SLC26A4: variants seen among roughly 807,000 people sequenced by gnomAD.
The protein encoded by SLC26A4 is pendrin.
SLC26A4 carries 93 observed loss-of-function variants against 90.4 expected under a neutral mutation model. The observed-to-expected ratio is 1.03, with a 90% CI of 0.87 to 1.22. The LOEUF (loss-of-function observed/expected upper bound fraction) is 1.22, where lower values mean the gene tolerates loss of function less well. Among genes scored for constraint, SLC26A4 ranks in the 50% most tolerant of loss-of-function variants. The pLI is 0.00. For synonymous variants in SLC26A4, 393 were observed against 354.6 expected, an observed-to-expected ratio of 1.11 and a Z score of -1.22; for missense variants, 1,127 against 946.2, an observed-to-expected ratio of 1.19 and a Z score of -2.51.
At chr7:107,693,871 G>C (rs564525485) in intron 10 of SLC26A4, among the ~76,000 whole-genome samples, 1 of 152,308 alleles carries the variant, frequency 6.6e-6, no homozygotes, top group South Asian at 2.1e-4. Flanking sequence ...ATTTGCAATA[G>C]GATGAGTAAA....
chr7:107,694,218 A>G (rs879068436), intron 10 of SLC26A4, among the ~76,000 whole-genome samples, 185 bp from the exon 11 acceptor site: 1 of 152,120 alleles, frequency 6.6e-6, no homozygotes, highest in African/African-American at 2.4e-5. Context: ...TATAGATGCC[A>G]TTTTTGTTCA....
intron 3 of SLC26A4, among the ~76,000 whole-genome samples, chr7:107,666,579 A>C (rs758650555): frequency 3.3e-5 from 5 of 152,174 alleles, no homozygotes; most frequent in Non-Finnish European, 7.3e-5. Context: ...GAGAAGGTGA[A>C]ATTTAGTAAA....
At chr7:107,665,284 C>A (rs979952437) in intron 3 of SLC26A4, among the ~76,000 whole-genome samples, 1 of 152,150 alleles carries the variant, frequency 6.6e-6, no homozygotes, top group African/African-American at 2.4e-5. Context: ...TTGCTCAGAT[C>A]AGGCCAGGTA....
chr7:107,666,458 G>A (rs984311172), intron 3 of SLC26A4, among the ~76,000 whole-genome samples: 2 of 152,168 alleles, frequency 1.3e-5, no homozygotes, highest in African/African-American at 2.4e-5. Context: ...CTAGGCTCAA[G>A]TTATCTGCCT....
At chr7:107,667,342 A>G (rs1350117094) in intron 3 of SLC26A4, among the ~76,000 whole-genome samples, 1 of 151,378 alleles carries the variant, frequency 6.6e-6, no homozygotes, top group Non-Finnish European at 1.5e-5. Context: ...GAGCCAGAGT[A>G]CTTAGAAGTT....
At chr7:107,704,243 T>A (rs1346958689) in intron 17 of SLC26A4, 88 bp from the exon 18 acceptor site, 4 of 701,760 alleles carry the variant, frequency 5.7e-6, no homozygotes, top group Non-Finnish European at 7.9e-6. Flanking sequence ...AAAGTAATAA[T>A]GTTTCTCCTG....
At chr7:107,686,492 T>G (rs925783177) in intron 8 of SLC26A4, among the ~76,000 whole-genome samples, 2 of 129,058 alleles carry the variant, frequency 1.5e-5, no homozygotes, top group African/African-American at 5.8e-5. Flanking sequence ...TTCTTTTCCT[T>G]TCTTTCCTTT....
intron 20 of SLC26A4, among the ~76,000 whole-genome samples, chr7:107,714,205 C>T (rs544876785): frequency 2.8e-4 from 42 of 152,260 alleles, no homozygotes; most frequent in Admixed American, 5.2e-4. Flanking sequence ...GGATTACAGG[C>T]ATGAGCCACC....
At chr7:107,710,586 T>A (rs1174756988) in intron 19 of SLC26A4, among the ~76,000 whole-genome samples, 1 of 152,198 alleles carries the variant, frequency 6.6e-6, no homozygotes, top group Admixed American at 6.5e-5. Context: ...GAATTATAAA[T>A]GTCTTTAAAC....
chr7:107,672,761 C>T (rs1790909545), intron 4 of SLC26A4, among the ~76,000 whole-genome samples: 1 of 152,138 alleles, frequency 6.6e-6, no homozygotes, highest in Admixed American at 6.5e-5. Context: ...CTTACCAAAA[C>T]AATTTAGAAG....
At chr7:107,676,484 A>G (rs527275697) in intron 6 of SLC26A4, among the ~76,000 whole-genome samples, 2 of 152,362 alleles carry the variant, frequency 1.3e-5, no homozygotes, top group Non-Finnish European at 2.9e-5. Flanking sequence ...ATGCAAAAGC[A>G]GGATGTAGAT....
chr7:107,663,346 T>C lies in SLC26A4; in HGVS notation c.215T>C (p.Leu72Ser), dbSNP rs1790618216. The change falls in exon 3 of 21, where the codon TTG becomes TCG. Residue 72 changes from leucine (L) to serine (S), a missense_variant. Coordinates refer to ENST00000644269, the MANE Select transcript of SLC26A4 (RefSeq NM_000441.2). ...GTGCTAAAGACTCTTGTGCCCATCT[T>C]GGAGTGGCTCCCCAAATACCGAGTC... ...FGVLKTLVPI[L>S]EWLPKYRVKE... 1.5e-5 allele frequency: 24 copies of C among 1,614,174 alleles called. No individual in the cohort carries two copies. The highest frequency in any genetic ancestry group is 2.0e-5 in the Non-Finnish European group (24 of 1,180,014).
In SLC26A4 at chr7:107,701,919, G is replaced by A. The variant is rs758498157; in HGVS notation, c.1896G>A (p.Lys632=). The change falls in exon 17 of 21, where the codon AAG becomes AAA. Residue 632 remains lysine (K), a synonymous_variant. Transcript: ENST00000644269. Reference sequence around the variant, plus strand: ...TGGAGGAACTTGATATCCCAACCAAGGAAATAGAGATTCAAGTGGATTGGA... The same window carrying A: ...TGGAGGAACTTGATATCCCAACCAAAGAAATAGAGATTCAAGTGGATTGGA... ...EDLEELDIPT[K]EIEIQVDWNS... 1.2e-6 allele frequency: 2 copies of A among 1,613,344 alleles called. No homozygotes were observed. Among genetic ancestry groups the A allele is most frequent in the Non-Finnish European group, 1.7e-6 (2 of 1,179,294 alleles).
At chr7:107,671,318 A>G (rs563301605) in intron 3 of SLC26A4, among the ~76,000 whole-genome samples, 21 of 152,168 alleles carry the variant, frequency 1.4e-4, no homozygotes, top group Non-Finnish European at 3.1e-4. Flanking sequence ...GTGAACCAAT[A>G]TGCTGGGCTC....
rs1406937547 is a variant in SLC26A4, at chr7:107,674,943, A to G, written c.601-2A>G. 6.2e-7 allele frequency: 1 copy of G among 1,613,836 alleles called. No homozygotes were observed. Among genetic ancestry groups the G allele is most frequent in the Non-Finnish European group, 8.5e-7 (1 of 1,179,840 alleles). On this transcript the variant is annotated splice_acceptor_variant, in intron 5 of 20. Transcript: ENST00000644269. LOFTEE classifies it high-confidence loss of function. ...ATTTTTCTTTCCTTTTCCTTATCGTAGTTGATATTTGGTGGCTTGCAGATT... is the reference window on the plus strand; with the variant it reads ...ATTTTTCTTTCCTTTTCCTTATCGTGGTTGATATTTGGTGGCTTGCAGATT...
intron 6 of SLC26A4, among the ~76,000 whole-genome samples, chr7:107,682,740 C>A (rs1791277106): frequency 6.6e-6 from 1 of 152,044 alleles, no homozygotes; most frequent in East Asian, 1.9e-4. Context: ...TCAGGTTTAT[C>A]AGCCTTTAGT....
chr7:107,669,146 C>T lies in SLC26A4; in HGVS notation c.305-2992C>T, dbSNP rs528088276. 5.9e-5 allele frequency among the ~76,000 whole-genome samples: 9 copies of T among 152,106 alleles called. No homozygotes were observed. In the South Asian group the frequency reaches 1.0e-3, roughly 18 times the overall value. ...CTAATTTGTGTATTTTTAGTAGAGA[C>T]GAGATTTCACCATGTTGGCCGGGCT... On this transcript the variant is annotated intron_variant, in intron 3 of 20. Transcript: ENST00000644269.
At position 107,698,118 on chromosome 7, in the gene SLC26A4, A is replaced by G. The variant is rs199643344; in HGVS notation, c.1614+7A>G. The G allele has an allele frequency of 3.0e-4, 468 of 1,582,858 alleles. 2 individuals are homozygous for G. Among genetic ancestry groups the G allele is most frequent in the Admixed American group, 3.0e-4 (18 of 59,930 alleles). On this transcript the variant is annotated splice_region_variant and intron_variant, in intron 14 of 20. Transcript: ENST00000644269. ...TACCAAGAATTACAAAAACGTAAGTACCTTTGTGAGACATTTGCTGGACTT... is the reference window on the plus strand; with the variant it reads ...TACCAAGAATTACAAAAACGTAAGTGCCTTTGTGAGACATTTGCTGGACTT...
At chr7:107,698,710 T>A (rs1046669541) in intron 14 of SLC26A4, among the ~76,000 whole-genome samples, 9 of 152,362 alleles carry the variant, frequency 5.9e-5, no homozygotes, top group Non-Finnish European at 1.3e-4. Context: ...GTTTATCTGG[T>A]ATATAATTCT....
Sources: allele counts gnomAD v4.1 joint callset (sites outside exome capture counted in the v4.1 genomes callset), GRCh38; gene constraint gnomAD v4.1.1; transcripts MANE v1.5; gene names NCBI Gene and HGNC (gene_info 2026-07-23, HGNC 2026-07-21).